The following RAB3IP variants were observed in gnomAD, a reference collection of about 807,000 sequenced individuals.
RAB3IP encodes the protein rab-3A-interacting protein.
A neutral mutation model predicts 59.1 loss-of-function variants in RAB3IP; 36 were observed. The ratio of observed to expected loss-of-function variants is 0.61; its 90% confidence interval spans 0.47 to 0.80. The LOEUF (loss-of-function observed/expected upper bound fraction) is 0.80. RAB3IP is among the 30% of genes least tolerant of loss of function. The probability of loss-of-function intolerance (pLI) is 0.00; values close to 1 mark genes in which losing one functional copy is unlikely to be tolerated. For synonymous variants in RAB3IP, 207 were observed against 191.2 expected (o/e 1.08, Z -0.68); for missense variants, 511 against 536.0 (o/e 0.95, Z 0.46).
chr12:69,759,804 C>G (rs1870971526), intron 3 of RAB3IP, among the ~76,000 whole-genome samples: 1 of 150,874 alleles, frequency 6.6e-6, no homozygotes, highest in African/African-American at 2.4e-5. Flanking sequence ...GACCTCCCAC[C>G]TCCCTCCCGG....
At chr12:69,741,123 A>G (rs139450730) in intron 1 of RAB3IP, among the ~76,000 whole-genome samples, 13 of 152,314 alleles carry the variant, frequency 8.5e-5, no homozygotes, top group South Asian at 6.2e-4. Context: ...TTAATAACAT[A>G]CTCCATTAGA....
At chr12:69,772,102 TG>T (rs1322066329) in intron 3 of RAB3IP, among the ~76,000 whole-genome samples, 4 of 152,232 alleles carry the variant, frequency 2.6e-5, no homozygotes, top group Non-Finnish European at 5.9e-5. Context: ...TTTGCTCCAA[TG>T]TAAGGTGCAT....
chr12:69,797,499 T>A (rs1341155924), intron 6 of RAB3IP, among the ~76,000 whole-genome samples: 1 of 146,224 alleles, frequency 6.8e-6, no homozygotes, highest in Non-Finnish European at 1.5e-5. Flanking sequence ...TTTTTTTTTT[T>A]TAATAAATTT....
rs1257554494 is a variant in RAB3IP at position 69,813,006 on chromosome 12, C to G, written c.1273C>G (p.Gln425Glu). ...CNFFTYIRYI[Q>E]QGLVKQQDVD... The stretch of plus-strand genomic sequence containing the variant: ...CTTTTTTACATACATTCGATACATT[C>G]AGCAGGGACTCGTGAAACAGCAGGA... Residue 425 changes from glutamine (Q) to glutamate (E), a missense_variant, in exon 10 of 11, where the codon CAG becomes GAG. Transcript: ENST00000247833. 1.2e-6 allele frequency: 2 copies of G among 1,613,148 alleles called. No homozygotes were observed. The highest frequency in any genetic ancestry group is 2.2e-5 in the East Asian group (1 of 44,856).
chr12:69,758,756 CTTTTTTTTTTTTTT>C lies in RAB3IP; in HGVS notation c.510+2105_510+2118del, dbSNP rs71437121. ...TACATGGGCATCTGTGTGTTCATTC[CTTTTTTTTTTTTTT>C]TTTTTTTTTTTACAAGTTTTACTTT... On this transcript the variant is annotated intron_variant, in intron 3 of 10. Transcript: ENST00000247833. Among the ~76,000 whole-genome samples the C allele has an allele frequency of 3.3e-4, 16 of 48,210 alleles. 1 individual carries two copies. Among genetic ancestry groups the C allele is most frequent in the African/African-American group, 1.6e-4 (2 of 12,846 alleles). The allele number at this position is 48,210 out of a possible 152,430, so 31.6% of individuals were successfully genotyped here.
intron 4 of RAB3IP, among the ~76,000 whole-genome samples, chr12:69,791,876 G>A (rs748048696): frequency 6.6e-6 from 1 of 152,156 alleles, no homozygotes; most frequent in African/African-American, 2.4e-5. Flanking sequence ...GTTCATTGCA[G>A]CATTATTCAC....
chr12:69,809,492 T>A (rs1241244841), intron 8 of RAB3IP, among the ~76,000 whole-genome samples: 5 of 152,236 alleles, frequency 3.3e-5, no homozygotes, highest in African/African-American at 1.2e-4. Context: ...TCCTGCAGAG[T>A]GTTTTCCAAC....
chr12:69,760,107 T>C (rs941008354), intron 3 of RAB3IP, among the ~76,000 whole-genome samples: 1 of 152,224 alleles, frequency 6.6e-6, no homozygotes. Context: ...CCTGAGTGAA[T>C]GAGACTCCGT....
chr12:69,751,688 G>A (rs933908263), intron 1 of RAB3IP, among the ~76,000 whole-genome samples: 1 of 151,920 alleles, frequency 6.6e-6, no homozygotes, highest in Admixed American at 6.6e-5. Context: ...TTGAAAATAG[G>A]TTGTGACTTT....
chr12:69,773,419 T>TTC (rs1873522485), intron 3 of RAB3IP, among the ~76,000 whole-genome samples: 2 of 139,746 alleles, frequency 1.4e-5, no homozygotes, highest in African/African-American at 2.6e-5. Flanking sequence ...TTTTTTTTTT[T>TTC]TTTTATTATA....
intron 8 of RAB3IP, among the ~76,000 whole-genome samples, chr12:69,805,707 G>A (rs1433749197): frequency 6.6e-6 from 1 of 151,982 alleles, no homozygotes; most frequent in African/African-American, 2.4e-5. Context: ...TTAGCATGAA[G>A]GGTTGTTGAA....
chr12:69,806,933 A>AT (rs1030240008), intron 8 of RAB3IP, among the ~76,000 whole-genome samples: 28 of 151,736 alleles, frequency 1.8e-4, no homozygotes, highest in Non-Finnish European at 3.2e-4. Context: ...AGGCAGAAGA[A>AT]TTTTTCTTAG....
At chr12:69,786,140 A>G (rs1031434446) in intron 4 of RAB3IP, among the ~76,000 whole-genome samples, 1 of 152,178 alleles carries the variant, frequency 6.6e-6, no homozygotes, top group Non-Finnish European at 1.5e-5. Context: ...AGTCTCAGGT[A>G]TGTATGTATT....
chr12:69,797,236 C>T (rs889057074), intron 6 of RAB3IP, among the ~76,000 whole-genome samples: 4 of 152,140 alleles, frequency 2.6e-5, no homozygotes, highest in African/African-American at 9.7e-5. Context: ...TGGGATCAAG[C>T]CACTTAGATT....
At position 69,757,781 on chromosome 12, in the gene RAB3IP, A is replaced by G. The variant is rs140028143; in HGVS notation, c.510+1118A>G. 7.7e-3 allele frequency among the ~76,000 whole-genome samples: 1,177 copies of G among 152,300 alleles called. 12 individuals carry two copies. The highest frequency in any genetic ancestry group is 0.027 in the African/African-American group (1,123 of 41,566). Reference sequence around the variant, plus strand: ...GATGTGGTTGCATTTTGTTTCTGTCATCTGGCTCAGACTTTGTTGTCTTAA... The same window carrying G: ...GATGTGGTTGCATTTTGTTTCTGTCGTCTGGCTCAGACTTTGTTGTCTTAA... On this transcript the variant is annotated intron_variant, in intron 3 of 10. Transcript: ENST00000247833.
chr12:69,766,528 C>CTTT (rs71278203), intron 3 of RAB3IP, among the ~76,000 whole-genome samples: 3 of 146,936 alleles, frequency 2.0e-5, no homozygotes, highest in African/African-American at 2.5e-5. Flanking sequence ...CTTTTCTTTT[C>CTTT]TTTTTTTTTT....
chr12:69,795,429 C>A, intron 6 of RAB3IP, 85 bp downstream of exon 6: 1 of 1,148,912 alleles, frequency 8.7e-7, no homozygotes, highest in Non-Finnish European at 1.3e-6. Context: ...TTTTTGCCAG[C>A]AAAATTTTTA....
At chr12:69,785,017 C>A in intron 4 of RAB3IP, 1 of 326,566 alleles carries the variant, frequency 3.1e-6, no homozygotes, top group South Asian at 5.9e-5. Flanking sequence ...CTATGGGCCA[C>A]CAGTATCAGA....
rs571813377 is a variant in RAB3IP, at chr12:69,753,271, T to C, written c.-25-2113T>C. Among the ~76,000 whole-genome samples, 10 of 152,332 alleles carry C rather than the reference T, an allele frequency of 6.6e-5. No individual in the cohort carries two copies. The East Asian group carries it at 1.9e-3, about 29-fold the overall frequency. The stretch of plus-strand genomic sequence containing the variant: ...TGTATTAACACTTTTTATTAAGGAT[T>C]TGAGAGTTAAATTTTTCAGCTAGTT... On this transcript the variant is annotated intron_variant, in intron 1 of 10. Coordinates refer to ENST00000247833, the MANE Select transcript of RAB3IP (RefSeq NM_022456.5).
Sources: gnomAD v4.1 joint callset for allele counts (sites outside exome capture counted in the v4.1 genomes callset) on GRCh38, gnomAD v4.1.1 for gene constraint, MANE v1.5 for transcripts, NCBI Gene and HGNC (gene_info 2026-07-23, HGNC 2026-07-21) for gene names.